The following LRRN3 variants were observed in gnomAD, a reference collection of about 807,000 sequenced individuals.
LRRN3 encodes the protein leucine-rich repeat neuronal protein 3.
A neutral mutation model predicts 40.1 loss-of-function variants in LRRN3; 15 were observed. That is an observed-to-expected ratio of 0.37 (90% CI 0.25 to 0.58). The LOEUF (loss-of-function observed/expected upper bound fraction) is 0.58, where lower values mean the gene tolerates loss of function less well. Among genes scored for constraint, LRRN3 ranks in the 20% least tolerant of loss-of-function variants. LRRN3 has a pLI of 0.72. For synonymous variants in LRRN3, 308 were observed against 297.2 expected (o/e 1.04, Z -0.37); for missense variants, 746 against 837.7 (o/e 0.89, Z 1.35).
At chr7:111,098,590 T>C (rs1026474000) in intron 1 of LRRN3, among the ~76,000 whole-genome samples, 2 of 151,780 alleles carry the variant, frequency 1.3e-5, no homozygotes, top group African/African-American at 4.8e-5. Flanking sequence ...ATGGTAATAA[T>C]ACTGGCAGAT....
chr7:111,106,980 T>C (rs1481911980), intron 2 of LRRN3, among the ~76,000 whole-genome samples: 1 of 151,960 alleles, frequency 6.6e-6, no homozygotes, highest in Non-Finnish European at 1.5e-5. Flanking sequence ...CTTCTTTCTA[T>C]ATTAAAATGC....
intron 1 of LRRN3, among the ~76,000 whole-genome samples, chr7:111,093,636 T>A (rs1214140189): frequency 1.3e-5 from 2 of 152,146 alleles, no homozygotes; most frequent in African/African-American, 4.8e-5. Context: ...CACATACATA[T>A]TTTGTGGATT....
chr7:111,099,769 A>T (rs1223272584), intron 1 of LRRN3, 112 bp from the exon 2 acceptor site: 1 of 151,736 alleles, frequency 6.6e-6, no homozygotes, highest in Admixed American at 6.6e-5. Flanking sequence ...ATAAAAGGTT[A>T]AAGTATTGTG....
chr7:111,095,724 A>T (rs1013236195), intron 1 of LRRN3, among the ~76,000 whole-genome samples: 5 of 152,138 alleles, frequency 3.3e-5, no homozygotes, highest in Admixed American at 2.0e-4. Context: ...AAGAATTCTG[A>T]AGAGGCTTTC....
chr7:111,117,818 T>A (rs534647898), intron 2 of LRRN3, among the ~76,000 whole-genome samples: 1 of 152,174 alleles, frequency 6.6e-6, no homozygotes, highest in Non-Finnish European at 1.5e-5. Context: ...CCCATGGCAA[T>A]TTTTTTCTTC....
rs776346546 is a variant in LRRN3, at chr7:111,123,280, C to T, written c.508C>T (p.His170Tyr). Residue 170 changes from histidine (H) to tyrosine (Y), a missense_variant, in exon 3 of 3, where the codon CAT becomes TAT. His to Tyr is a moderately conservative substitution (Grantham distance 83). Coordinates refer to ENST00000308478, the MANE Select transcript of LRRN3 (RefSeq NM_001099658.2). This position sits in a 1 kb window ranked among gnomAD's most constrained non-coding sequence, Gnocchi z 6.4. ...TGGCCTACATAATCTTCTTCGACTT[C>T]ATCTCAATTCAAATAGATTGCAGAT... ...FIGLHNLLRL[H>Y]LNSNRLQMIN... The T allele has an allele frequency of 6.2e-7, 1 of 1,613,794 alleles. No homozygotes were observed. The highest frequency in any genetic ancestry group is 1.1e-5 in the South Asian group (1 of 91,048).
intron 2 of LRRN3, among the ~76,000 whole-genome samples, chr7:111,119,255 A>AAT (rs1192927906): frequency 6.6e-6 from 1 of 152,198 alleles, no homozygotes; most frequent in Non-Finnish European, 1.5e-5. Flanking sequence ...CTGGACATAC[A>AAT]GGGGCAATAG....
chr7:111,117,775 A>T (rs1800067535), intron 2 of LRRN3, among the ~76,000 whole-genome samples: 1 of 152,226 alleles, frequency 6.6e-6, no homozygotes, highest in African/African-American at 2.4e-5. Context: ...GCAATTTGCT[A>T]TAGAAGAAAA....
At chr7:111,101,446 A>G (rs1797965041) in intron 2 of LRRN3, among the ~76,000 whole-genome samples, 1 of 151,536 alleles carries the variant, frequency 6.6e-6, no homozygotes, top group African/African-American at 2.4e-5. Flanking sequence ...ACACCTAAGA[A>G]TCCATACTTA....
rs1344920526 is a variant in LRRN3, at chr7:111,124,499, A to G, written c.1727A>G (p.Lys576Arg). ...AQSARIPSDV[K>R]VYNLTHLNPS... ...AGTGCTCGAATACCATCTGATGTCA[A>G]GGTATATAATCTTACTCATCTGAAT... The change falls in exon 3 of 3, where the codon AAG becomes AGG. Residue 576 changes from lysine (K) to arginine (R), a missense_variant. Lys to Arg is a conservative substitution (Grantham distance 26). Transcript: ENST00000308478. 2.5e-6 allele frequency: 4 copies of G among 1,613,958 alleles called. No homozygotes were observed. Among genetic ancestry groups the G allele is most frequent in the Non-Finnish European group, 3.4e-6 (4 of 1,179,960 alleles).
rs35229264 is a variant in LRRN3 at position 111,123,447 on chromosome 7, A to G, written c.675A>G (p.Thr225=). The G allele has an allele frequency of 4.1e-3, 6,600 of 1,613,528 alleles. 26 individuals carry two copies. The highest frequency in any genetic ancestry group is 5.0e-3 in the Non-Finnish European group (5,857 of 1,179,822). Residue 225 remains threonine, a synonymous_variant, in exon 3 of 3, where the codon ACA becomes ACG. Transcript: ENST00000308478. The surrounding 1 kb of genome is among the most constrained non-coding windows in gnomAD (Gnocchi z 6.4). The part of the protein sequence containing the change: ...RSLVIAGINL[T]EIPDNALVGL... ...TGGTTATAGCTGGTATAAACCTCAC[A>G]GAAATACCAGATAACGCCTTGGTTG...
intron 2 of LRRN3, among the ~76,000 whole-genome samples, chr7:111,111,040 C>G (rs10230877): frequency 0.027 from 4,076 of 152,130 alleles, 179 homozygotes; most frequent in African/African-American, 0.093. Context: ...AAACATAATC[C>G]TAAATTATCT....
At chr7:111,098,441 A>C (rs1797625985) in intron 1 of LRRN3, among the ~76,000 whole-genome samples, 1 of 151,852 alleles carries the variant, frequency 6.6e-6, no homozygotes, top group Non-Finnish European at 1.5e-5. Flanking sequence ...AAATTATACC[A>C]TAATATGCTG....
At chr7:111,094,239 C>T (rs1429975451) in intron 1 of LRRN3, among the ~76,000 whole-genome samples, 1 of 151,830 alleles carries the variant, frequency 6.6e-6, no homozygotes, top group East Asian at 1.9e-4. Flanking sequence ...ACCGGAGTTT[C>T]GTTTTAAAAA....
intron 2 of LRRN3, among the ~76,000 whole-genome samples, chr7:111,112,391 T>A (rs1401769875): frequency 6.6e-6 from 1 of 152,152 alleles, no homozygotes; most frequent in Non-Finnish European, 1.5e-5. Context: ...TACTTCAGAG[T>A]GCCACCAAGT....
At chr7:111,110,866 T>A (rs996288941) in intron 2 of LRRN3, among the ~76,000 whole-genome samples, 14 of 152,170 alleles carry the variant, frequency 9.2e-5, no homozygotes, top group Non-Finnish European at 1.8e-4. Context: ...GGATTCCAGA[T>A]CTTAAATCAT....
Position 111,124,501 on chromosome 7 carries a change from G to T in LRRN3, c.1729G>T (p.Val577Leu), listed in dbSNP as rs765184815. Residue 577 changes from valine to leucine, a missense_variant, in exon 3 of 3, where the codon GTA becomes TTA. Transcript: ENST00000308478. ...QSARIPSDVK[V>L]YNLTHLNPST... is the part of the protein sequence containing the mutation. ...TGCTCGAATACCATCTGATGTCAAG[G>T]TATATAATCTTACTCATCTGAATCC... The T allele has an allele frequency of 1.2e-6, 2 of 1,613,710 alleles. No homozygotes were observed. Among genetic ancestry groups the T allele is most frequent in the Non-Finnish European group, 1.7e-6 (2 of 1,179,954 alleles).
At chr7:111,109,199 A>G (rs1798900102) in intron 2 of LRRN3, among the ~76,000 whole-genome samples, 1 of 152,316 alleles carries the variant, frequency 6.6e-6, no homozygotes, top group Admixed American at 6.5e-5. Context: ...CATTTTCAGT[A>G]CAATTTAACA....
At chr7:111,117,116 A>G (rs1022073190) in intron 2 of LRRN3, among the ~76,000 whole-genome samples, 1 of 152,160 alleles carries the variant, frequency 6.6e-6, no homozygotes, top group South Asian at 2.1e-4. Context: ...CCCCATAATG[A>G]CTAAAATTCA....
Sources: gnomAD v4.1 joint callset for allele counts (sites outside exome capture counted in the v4.1 genomes callset) on GRCh38, gnomAD v4.1.1 for gene constraint, Gnocchi (gnomAD v3.1) non-coding constraint, MANE v1.5 for transcripts, NCBI Gene and HGNC (gene_info 2026-07-23, HGNC 2026-07-21) for gene names.